GON4L: variants seen among roughly 807,000 people sequenced by gnomAD.
GON4L encodes the protein gon-4 like, also known as GON-4-like protein.
GON4L carries 87 observed loss-of-function variants against 211.8 expected under a neutral mutation model. The ratio of observed to expected loss-of-function variants is 0.41; its 90% CI spans 0.35 to 0.49. The LOEUF (loss-of-function observed/expected upper bound fraction) is 0.49. GON4L is among the 20% of genes least tolerant of loss of function. The pLI is 0.15. For missense variants in GON4L, 2,155 were observed against 2,659.5 expected (o/e 0.81, Z 4.17); for synonymous variants, 875 against 962.6 (o/e 0.91, Z 1.68).
chr1:155,782,871 G>C (rs1370759560), intron 14 of GON4L, among the ~76,000 whole-genome samples: 1 of 152,014 alleles, frequency 6.6e-6, no homozygotes, highest in Non-Finnish European at 1.5e-5. Flanking sequence ...TGTTGGCCAG[G>C]CTGGTCTCGA....
chr1:155,793,066 C>T (rs377564934), intron 12 of GON4L, among the ~76,000 whole-genome samples: 8 of 152,102 alleles, frequency 5.3e-5, no homozygotes, highest in Admixed American at 1.3e-4. Flanking sequence ...CCACTGTGCC[C>T]CAGCCAAAAG....
chr1:155,766,584 C>G lies in GON4L; in HGVS notation c.2889G>C (p.Leu963Phe). 1 of 1,614,146 alleles carries G rather than the reference C, an allele frequency of 6.2e-7. No individual in the cohort carries two copies. Residue 963 changes from leucine to phenylalanine, a missense_variant, in exon 21 of 32, where the codon TTG becomes TTC. Physicochemically the swap from Leu to Phe is conservative, Grantham distance 22 (BLOSUM62 0). Around this residue, in one of 6 missense-constraint regions of GON4L, gnomAD observed 615 missense variants for 625.7 expected, o/e 0.98. Transcript: ENST00000368331. Reference sequence around the variant, plus strand: ...GCAGTGGGTACCGAGATTCACTCCCCAACTCCAAATTGTCTTTTTCTAGGC... The same window carrying G: ...GCAGTGGGTACCGAGATTCACTCCCGAACTCCAAATTGTCTTTTTCTAGGC... Reference protein sequence around the residue: ...DRSLEKDNLELGSESRYPLLL... With the variant: ...DRSLEKDNLEFGSESRYPLLL...
intron 14 of GON4L, among the ~76,000 whole-genome samples, chr1:155,779,452 G>C (rs963435366): frequency 6.7e-6 from 1 of 148,406 alleles, no homozygotes; most frequent in Non-Finnish European, 1.5e-5. Flanking sequence ...GAGTAGCTGG[G>C]ACTACAGACA....
At position 155,752,446 on chromosome 1, in the gene GON4L, C is replaced by A. The variant is rs1447015440; in HGVS notation, c.5987G>T (p.Arg1996Ile). The change falls in exon 30 of 32, where the codon AGA becomes ATA. Residue 1996 changes from arginine (R) to isoleucine (I), a missense_variant. Transcript: ENST00000368331. ...TTGAVLYTVK[R>I]NQVGPEVRSC... ...GCGAACCTCAGGCCCAACCTGGTTT[C>A]TCTTAACAGTGTACAGTACAGCTCC... The A allele has an allele frequency of 1.9e-6, 3 of 1,571,288 alleles. No homozygotes were observed. The highest frequency in any genetic ancestry group is 2.6e-6 in the Non-Finnish European group (3 of 1,158,358).
At chr1:155,811,822 T>C (rs1667817391) in intron 10 of GON4L, among the ~76,000 whole-genome samples, 1 of 145,492 alleles carries the variant, frequency 6.9e-6, no homozygotes, top group South Asian at 2.2e-4. Context: ...CTCAGCACTT[T>C]GGGAGGCTGA....
At chr1:155,783,431 C>T (rs1557858441) in intron 14 of GON4L, among the ~76,000 whole-genome samples, 1 of 152,126 alleles carries the variant, frequency 6.6e-6, no homozygotes, top group African/African-American at 2.4e-5. Context: ...GATAACAATA[C>T]AATAAAGTGC....
chr1:155,820,938 C>G (rs191128231), intron 5 of GON4L, among the ~76,000 whole-genome samples: 1 of 152,174 alleles, frequency 6.6e-6, no homozygotes, highest in African/African-American at 2.4e-5. Context: ...GCCTTGGTGA[C>G]AGAGCAAGAC....
At position 155,773,227 on chromosome 1, in the gene GON4L, C is replaced by T; in HGVS notation, c.2351-17G>A. On this transcript the variant is annotated splice_polypyrimidine_tract_variant and intron_variant, in intron 17 of 31. Coordinates refer to ENST00000368331, the MANE Select transcript of GON4L (RefSeq NM_001282860.2). ...ATTCATTCGCTATAAGAAAATAAAT[C>T]TCGGATAAATCAACTTCTAGGACAA... 6.2e-7 allele frequency: 1 copy of T among 1,613,836 alleles called. No individual in the cohort carries two copies.
intron 12 of GON4L, among the ~76,000 whole-genome samples, chr1:155,791,283 T>G (rs945936730): frequency 7.2e-5 from 11 of 151,870 alleles, no homozygotes; most frequent in African/African-American, 2.7e-4. Context: ...AGGTGGTGAG[T>G]ATATGAATGT....
rs201627893 is a variant in GON4L at position 155,765,897 on chromosome 1, A to G, written c.3576T>C (p.Cys1192=). Residue 1192 remains cysteine, a synonymous_variant, in exon 21 of 32, where the codon TGT becomes TGC. Coordinates refer to ENST00000368331, the MANE Select transcript of GON4L (RefSeq NM_001282860.2). The part of the protein sequence containing the change: ...TLLVNPTSFP[C]PLNQSLVASS... ...AGGCCACAAGGGACTGGTTCAATGG[A>G]CAGGGGAAGGAAGTAGGGTTAACCA... 9 of 1,614,158 alleles carry G rather than the reference A, an allele frequency of 5.6e-6. No homozygotes were observed. In the East Asian group the frequency reaches 1.3e-4, roughly 24 times the overall value.
chr1:155,760,708 G>T, intron 23 of GON4L, 67 bp from the exon 24 acceptor site: 1 of 1,066,994 alleles, frequency 9.4e-7, no homozygotes. Context: ...AAGGGTACAA[G>T]GGAGAAGGCA....
chr1:155,815,683 A>G (rs1557892924), intron 8 of GON4L, 122 bp downstream of exon 8: 1 of 708,838 alleles, frequency 1.4e-6, no homozygotes, highest in Admixed American at 2.1e-5. Context: ...AAAACAGCTT[A>G]AAGCACAGAA....
chr1:155,852,841 G>A (rs550784421), intron 2 of GON4L, among the ~76,000 whole-genome samples: 8 of 150,882 alleles, frequency 5.3e-5, no homozygotes, highest in Admixed American at 2.6e-4. Flanking sequence ...GGCCAGGCAC[G>A]GTGGCTCACA....
At position 155,814,189 on chromosome 1, in the gene GON4L, C is replaced by T. The variant is rs1201412565; in HGVS notation, c.1281+141G>A. The T allele has an allele frequency of 5.5e-6, 5 of 902,810 alleles. No homozygotes were observed. The East Asian group carries it at 1.2e-4, about 22-fold the overall frequency. The allele number at this position is 902,810 out of a possible 1,614,324, so 55.9% of individuals were successfully genotyped here. The stretch of plus-strand genomic sequence containing the variant: ...TTGGCTATCACTGAGTTCTAGCCTT[C>T]TCTGAACTGTTTACTAACTTAAGAA... On this transcript the variant is annotated intron_variant, in intron 9 of 31. Coordinates refer to ENST00000368331, the MANE Select transcript of GON4L (RefSeq NM_001282860.2).
Position 155,765,337 on chromosome 1 carries a change from T to C in GON4L, c.4136A>G (p.Lys1379Arg), listed in dbSNP as rs747379703. The change falls in exon 21 of 32, where the codon AAG (lysine) becomes AGG (arginine). Residue 1379 changes from lysine (K) to arginine (R), a missense_variant. Lys to Arg is a conservative substitution (Grantham distance 26). Around this residue, in one of 6 missense-constraint regions of GON4L, gnomAD observed 615 missense variants for 625.7 expected, o/e 0.98. Transcript: ENST00000368331. ...AGTTGGCTGACTCCTCTCCTCTTCC[T>C]TCTGTAAGACTGTCTGTTTCGTTAC... ...GEVTKQTVLQ[K>R]EEERSQPTKT... 2 of 1,614,228 alleles carry C rather than the reference T, an allele frequency of 1.2e-6. No homozygotes were observed. The highest frequency in any genetic ancestry group is 2.2e-5 in the South Asian group (2 of 91,088).
intron 11 of GON4L, among the ~76,000 whole-genome samples, chr1:155,798,823 A>G (rs1666351505): frequency 6.6e-6 from 1 of 152,016 alleles, no homozygotes; most frequent in African/African-American, 2.4e-5. Context: ...GGATGCAAGA[A>G]CTGCAATAGA....
rs562808629 is a variant in GON4L, at chr1:155,755,276, C to A, written c.5518-788G>T. 3.3e-5 allele frequency among the ~76,000 whole-genome samples: 5 copies of A among 151,982 alleles called. No individual in the cohort carries two copies. The East Asian group carries it at 9.7e-4, about 30-fold the overall frequency. Reference sequence around the variant, plus strand: ...GTGAGATGGGATTTCGCCATGTTGACCAGGCTGGTTTCGAACTCCTGACCT... The same window carrying A: ...GTGAGATGGGATTTCGCCATGTTGAACAGGCTGGTTTCGAACTCCTGACCT... On this transcript the variant is annotated intron_variant, in intron 27 of 31. Transcript: ENST00000368331.
chr1:155,767,310 T>C lies in GON4L; in HGVS notation c.2763+115A>G, dbSNP rs488237. On this transcript the variant is annotated intron_variant, in intron 20 of 31. Coordinates refer to ENST00000368331, the MANE Select transcript of GON4L (RefSeq NM_001282860.2). The stretch of plus-strand genomic sequence containing the variant: ...GGAAGAAAGGTGAATCAGGAAGATT[T>C]CTAAAGTCCTAGTTCTACAACTAAA... 50 of 1,605,154 alleles carry C rather than the reference T, an allele frequency of 3.1e-5. No individual in the cohort carries two copies. The African/African-American group carries it at 5.9e-4, about 19-fold the overall frequency.
chr1:155,822,508 C>T lies in GON4L; in HGVS notation c.698-32G>A, dbSNP rs774991089. 4 of 1,530,716 alleles carry T rather than the reference C, an allele frequency of 2.6e-6. No homozygotes were observed. In the South Asian group the frequency reaches 4.5e-5, roughly 17 times the overall value. The allele number at this position is 1,530,716 out of a possible 1,614,324, so 94.8% of individuals were successfully genotyped here. ...ATAAACCAAGAACATCATCAGAATTCCAAAATAGCTGCTCCAGGAACTTAG... is the reference window on the plus strand; with the variant it reads ...ATAAACCAAGAACATCATCAGAATTTCAAAATAGCTGCTCCAGGAACTTAG... On this transcript the variant is annotated intron_variant, in intron 3 of 31. Coordinates refer to ENST00000368331, the MANE Select transcript of GON4L (RefSeq NM_001282860.2).
Sources: gnomAD v4.1 joint callset for allele counts (sites outside exome capture counted in the v4.1 genomes callset) on GRCh38, gnomAD v4.1.1 for gene constraint, gnomAD v4.1.1 regional missense constraint, MANE v1.5 for transcripts, NCBI Gene and HGNC (gene_info 2026-07-23, HGNC 2026-07-21) for gene names.